The following ST8SIA1 variants were observed in gnomAD, a reference collection of about 807,000 sequenced individuals.
ST8SIA1 encodes alpha-N-acetylneuraminide alpha-2,8-sialyltransferase.
Under a neutral mutation model 35.9 loss-of-function variants are expected in ST8SIA1, and 16 were observed. That is an observed-to-expected ratio of 0.45 (90% CI 0.30 to 0.68). The LOEUF is 0.68. Ranked by LOEUF, ST8SIA1 falls within the 30% of genes least tolerant of loss-of-function variation. The pLI is 0.09. For synonymous variants in ST8SIA1, 170 were observed against 169.6 expected, an observed-to-expected ratio of 1.00 and a Z score of -0.02; for missense variants, 383 against 453.6, an observed-to-expected ratio of 0.84 and a Z score of 1.41.
At chr12:22,229,242 G>A (rs552007526) in intron 4 of ST8SIA1, among the ~76,000 whole-genome samples, 5 of 152,252 alleles carry the variant, frequency 3.3e-5, no homozygotes, top group African/African-American at 1.2e-4. Flanking sequence ...GACAGCAACA[G>A]AGTTCATGGA....
chr12:22,332,879 C>G (rs1445398883), intron 1 of ST8SIA1, among the ~76,000 whole-genome samples: 2 of 152,184 alleles, frequency 1.3e-5, no homozygotes, highest in Non-Finnish European at 2.9e-5. Flanking sequence ...TAGAAAGATC[C>G]TCTACAGAGC....
In ST8SIA1 at chr12:22,193,426, A is replaced by C. The variant is rs1285241354; in HGVS notation, c.*8126T>G. ...CATTTTATTCACAGGGTACATTTACAAATTTTCTCCAAGTAAAGGAGGTAG... is the reference window on the plus strand; with the variant it reads ...CATTTTATTCACAGGGTACATTTACCAATTTTCTCCAAGTAAAGGAGGTAG... On this transcript the variant is annotated 3_prime_UTR_variant, in exon 5 of 5. Transcript: ENST00000396037. 7 of 152,220 alleles carry C rather than the reference A, an allele frequency of 4.6e-5. No homozygotes were observed. The highest frequency in any genetic ancestry group is 8.8e-5 in the Non-Finnish European group (6 of 68,034). 9.4% of individuals were successfully genotyped at this position (152,220 alleles called of 1,614,324 possible). A position where few individuals can be genotyped will look rare whatever the true frequency, so the allele number is the denominator to read the frequency against.
chr12:22,240,965 G>A (rs1286250147), intron 4 of ST8SIA1, among the ~76,000 whole-genome samples: 1 of 144,892 alleles, frequency 6.9e-6, no homozygotes, highest in Non-Finnish European at 1.5e-5. Context: ...CTGTTTCCTA[G>A]TTCATGCCAA....
At chr12:22,314,777 C>A (rs1364596545) in intron 1 of ST8SIA1, among the ~76,000 whole-genome samples, 1 of 152,114 alleles carries the variant, frequency 6.6e-6, no homozygotes, top group African/African-American at 2.4e-5. Flanking sequence ...TAACTCACAT[C>A]CCTGGCTCCA....
At chr12:22,314,171 T>C (rs1027820762) in intron 1 of ST8SIA1, among the ~76,000 whole-genome samples, 3 of 152,116 alleles carry the variant, frequency 2.0e-5, no homozygotes, top group African/African-American at 4.8e-5. Flanking sequence ...ACAGAGAAAC[T>C]GACAACATGG....
At chr12:22,219,076 A>T (rs1463801243) in intron 4 of ST8SIA1, among the ~76,000 whole-genome samples, 1 of 152,066 alleles carries the variant, frequency 6.6e-6, no homozygotes, top group Admixed American at 6.6e-5. Context: ...CCCTCTCTAT[A>T]CTCTAATTTA....
Position 22,295,300 on chromosome 12 carries a change from T to C in ST8SIA1, c.237-8007A>G, listed in dbSNP as rs1162456433. ...AGTGGAGTCAAAACTCTCTGTCTCC[T>C]CGTAGGGTCCTGGCTGGGTCTGAGA... On this transcript the variant is annotated intron_variant, in intron 1 of 4. Coordinates refer to ENST00000396037, the MANE Select transcript of ST8SIA1 (RefSeq NM_003034.4). Among the ~76,000 whole-genome samples the C allele has an allele frequency of 2.0e-5, 3 of 152,192 alleles. No individual in the cohort carries two copies. The East Asian group carries it at 5.8e-4, about 29-fold the overall frequency.
chr12:22,282,840 A>G (rs1341757552), intron 2 of ST8SIA1, among the ~76,000 whole-genome samples: 6 of 152,180 alleles, frequency 3.9e-5, no homozygotes, highest in Non-Finnish European at 5.9e-5. Flanking sequence ...GTCACGGGAA[A>G]TGATTACAAT....
intron 4 of ST8SIA1, among the ~76,000 whole-genome samples, chr12:22,210,884 G>A (rs1476206776): frequency 1.3e-5 from 2 of 152,276 alleles, no homozygotes; most frequent in Non-Finnish European, 2.9e-5. Context: ...TTCAGCCAAA[G>A]GTGGCCAACC....
At chr12:22,253,865 G>T (rs1290614463) in intron 3 of ST8SIA1, among the ~76,000 whole-genome samples, 1 of 152,090 alleles carries the variant, frequency 6.6e-6, no homozygotes, top group East Asian at 1.9e-4. Context: ...CTTTCAAGGA[G>T]ACCAACTCTG....
intron 2 of ST8SIA1, among the ~76,000 whole-genome samples, chr12:22,276,359 C>T (rs1865968990): frequency 6.6e-6 from 1 of 152,150 alleles, no homozygotes; most frequent in Non-Finnish European, 1.5e-5. Context: ...TCCTCTGTCC[C>T]GAGGTTGTCG....
At chr12:22,226,614 CTTTT>C (rs933739759) in intron 4 of ST8SIA1, among the ~76,000 whole-genome samples, 2 of 150,968 alleles carry the variant, frequency 1.3e-5, no homozygotes, top group African/African-American at 4.9e-5. Context: ...TTTCCTTCAT[CTTTT>C]TTTTCTCATT....
chr12:22,215,348 C>A (rs1174429163), intron 4 of ST8SIA1, among the ~76,000 whole-genome samples: 1 of 152,182 alleles, frequency 6.6e-6, no homozygotes, highest in Non-Finnish European at 1.5e-5. Flanking sequence ...GAGTACCTAT[C>A]ATGTACCAGG....
At chr12:22,218,296 T>A (rs1045540148) in intron 4 of ST8SIA1, among the ~76,000 whole-genome samples, 65 of 149,618 alleles carry the variant, frequency 4.3e-4, no homozygotes, top group African/African-American at 1.6e-3. Flanking sequence ...AGCACTCCAG[T>A]CTGGGCAACA....
At chr12:22,332,484 G>GA (rs1866780274) in intron 1 of ST8SIA1, among the ~76,000 whole-genome samples, 1 of 152,190 alleles carries the variant, frequency 6.6e-6, no homozygotes, top group South Asian at 2.1e-4. Flanking sequence ...CACTTGAAAT[G>GA]AAAGTGCTTT....
chr12:22,325,844 G>A, intron 1 of ST8SIA1: 5 of 700,964 alleles, frequency 7.1e-6, no homozygotes, highest in Admixed American at 2.0e-5. Flanking sequence ...AAATAAAATC[G>A]GTGTTCCTTG....
At chr12:22,259,425 C>A (rs1437978557) in intron 2 of ST8SIA1, among the ~76,000 whole-genome samples, 5 of 151,944 alleles carry the variant, frequency 3.3e-5, no homozygotes, top group African/African-American at 1.2e-4. Context: ...CACACCAAAG[C>A]TTTACAGACA....
chr12:22,288,400 A>G (rs1209459013), intron 1 of ST8SIA1, among the ~76,000 whole-genome samples: 3 of 152,194 alleles, frequency 2.0e-5, no homozygotes, highest in Admixed American at 2.0e-4. Flanking sequence ...ACTTTCGTTG[A>G]GAGTTCACTG....
intron 2 of ST8SIA1, among the ~76,000 whole-genome samples, chr12:22,276,822 C>T (rs1865974083): frequency 6.6e-6 from 1 of 151,688 alleles, no homozygotes; most frequent in Non-Finnish European, 1.5e-5. Flanking sequence ...AAAAGAGATG[C>T]TGTTGAACAC....
Sources: allele counts gnomAD v4.1 joint callset (sites outside exome capture counted in the v4.1 genomes callset), GRCh38; gene constraint gnomAD v4.1.1; transcripts MANE v1.5; gene names NCBI Gene and HGNC (gene_info 2026-07-23, HGNC 2026-07-21).